The following ADAMTS18 variants were observed in gnomAD, a reference collection of about 807,000 sequenced individuals.
ADAMTS18 encodes A disintegrin and metalloproteinase with thrombospondin motifs 18.
A neutral mutation model predicts 165.9 loss-of-function variants in ADAMTS18; 157 were observed. The ratio of observed to expected loss-of-function variants is 0.95; its 90% CI spans 0.83 to 1.08. The LOEUF is 1.08. Among genes scored for constraint, ADAMTS18 ranks in the 50% least tolerant of loss-of-function variants. ADAMTS18 has a pLI of 0.00. For synonymous variants in ADAMTS18, 782 were observed against 578.2 expected, an observed-to-expected ratio of 1.35 and a Z score of -5.06; for missense variants, 2,040 against 1,534.0, an observed-to-expected ratio of 1.33 and a Z score of -5.51.
intron 3 of ADAMTS18, among the ~76,000 whole-genome samples, chr16:77,428,400 G>A (rs1490826809): frequency 6.6e-6 from 1 of 152,096 alleles, no homozygotes. Flanking sequence ...CAATGTCTAA[G>A]AAAATGTAAA....
At position 77,388,939 on chromosome 16, in the gene ADAMTS18, T is replaced by A. The variant is rs76318229; in HGVS notation, c.496-21216A>T. Among the ~76,000 whole-genome samples the A allele has an allele frequency of 7.7e-3, 1,166 of 152,302 alleles. 16 individuals carry two copies. Among genetic ancestry groups the A allele is most frequent in the African/African-American group, 0.027 (1,116 of 41,568 alleles). ...TCAAGGTAGCAACTTCTAATGAAGC[T>A]GGCAGCAGTCAACTAAATGAAGAAG... On this transcript the variant is annotated intron_variant, in intron 3 of 22. Coordinates refer to ENST00000282849, the MANE Select transcript of ADAMTS18 (RefSeq NM_199355.4).
intron 11 of ADAMTS18, among the ~76,000 whole-genome samples, chr16:77,338,708 C>T (rs1353961118): frequency 6.6e-6 from 1 of 151,730 alleles, no homozygotes; most frequent in African/African-American, 2.4e-5. Flanking sequence ...AATCCCAGCA[C>T]TTTGGGAGGC....
chr16:77,333,771 T>C (rs959795470), intron 12 of ADAMTS18, among the ~76,000 whole-genome samples: 2 of 149,356 alleles, frequency 1.3e-5, no homozygotes, highest in African/African-American at 4.9e-5. Context: ...GTTTTCTTTA[T>C]CCATTCATCC....
At chr16:77,375,561 A>T (rs78596864) in intron 3 of ADAMTS18, among the ~76,000 whole-genome samples, 5,961 of 152,270 alleles carry the variant, frequency 0.039, 343 homozygotes, top group African/African-American at 0.13. Context: ...TCCATGATGG[A>T]ACTGAGAGAC....
chr16:77,389,777 G>A (rs1374938351), intron 3 of ADAMTS18, among the ~76,000 whole-genome samples: 1 of 152,220 alleles, frequency 6.6e-6, no homozygotes, highest in Non-Finnish European at 1.5e-5. Context: ...GAGCAGAGGT[G>A]AAATAGAGAC....
intron 3 of ADAMTS18, among the ~76,000 whole-genome samples, chr16:77,398,346 C>A (rs528128093): frequency 4.6e-5 from 7 of 151,698 alleles, no homozygotes; most frequent in East Asian, 1.9e-4. Flanking sequence ...ACAACAACAA[C>A]AAAAATAAAT....
chr16:77,392,007 A>G (rs963301568), intron 3 of ADAMTS18, among the ~76,000 whole-genome samples: 2 of 152,354 alleles, frequency 1.3e-5, no homozygotes, highest in African/African-American at 4.8e-5. Flanking sequence ...AAACTTTAGT[A>G]TCAGAAAAAC....
chr16:77,343,556 A>G (rs1490778083), intron 10 of ADAMTS18, among the ~76,000 whole-genome samples: 1 of 152,208 alleles, frequency 6.6e-6, no homozygotes, highest in African/African-American at 2.4e-5. Context: ...AAACTGAGCA[A>G]GCTTCTGATG....
At chr16:77,302,673 A>T (rs1293307538) in intron 16 of ADAMTS18, among the ~76,000 whole-genome samples, 2 of 152,238 alleles carry the variant, frequency 1.3e-5, no homozygotes, top group Admixed American at 6.5e-5. Flanking sequence ...AAGAAAATAT[A>T]AAAGAACATT....
At chr16:77,285,356 A>G (rs1339344243) in intron 22 of ADAMTS18, among the ~76,000 whole-genome samples, 1 of 151,746 alleles carries the variant, frequency 6.6e-6, no homozygotes, top group African/African-American at 2.4e-5. Flanking sequence ...TATTTTTAGT[A>G]GAGATGGGGT....
chr16:77,398,751 G>C (rs1160380788), intron 3 of ADAMTS18, among the ~76,000 whole-genome samples: 4 of 152,074 alleles, frequency 2.6e-5, no homozygotes, highest in African/African-American at 7.2e-5. Flanking sequence ...AATAACTCTA[G>C]CCACTGCTGA....
intron 15 of ADAMTS18, 122 bp downstream of exon 15, chr16:77,320,957 G>T: frequency 8.1e-7 from 1 of 1,242,044 alleles, no homozygotes; most frequent in Non-Finnish European, 1.2e-6. Flanking sequence ...AGTGAAAAAT[G>T]CCACCATCAC....
intron 8 of ADAMTS18, among the ~76,000 whole-genome samples, chr16:77,356,413 A>G (rs1040296103): frequency 7.2e-5 from 11 of 152,190 alleles, no homozygotes; most frequent in Non-Finnish European, 1.2e-4. Context: ...ATTTAGTTTC[A>G]AACAGTAGAA....
At chr16:77,423,996 T>G (rs759225130) in intron 3 of ADAMTS18, among the ~76,000 whole-genome samples, 1 of 152,192 alleles carries the variant, frequency 6.6e-6, no homozygotes, top group Admixed American at 6.5e-5. Context: ...TAATCAAGCA[T>G]GGAGCTTCCA....
rs116727492 is a variant in ADAMTS18, at chr16:77,364,540, C to T, written c.779-159G>A. 3.4e-3 allele frequency among the ~76,000 whole-genome samples: 498 copies of T among 144,362 alleles called. 4 individuals are homozygous for T. Among genetic ancestry groups the T allele is most frequent in the African/African-American group, 0.013 (480 of 38,382 alleles). The allele number at this position is 144,362 out of a possible 152,430, so 94.7% of individuals were successfully genotyped here. A position where few individuals can be genotyped will look rare whatever the true frequency, so the allele number is the denominator to read the frequency against. ...TATCAGTGCCTGCCCAGGTGCCTTG[C>T]ATCTAGTATGTGGTCAAGAAGGGCC... On this transcript the variant is annotated intron_variant, in intron 4 of 22. Coordinates refer to ENST00000282849, the MANE Select transcript of ADAMTS18 (RefSeq NM_199355.4).
At chr16:77,360,551 A>G (rs1281868475) in intron 7 of ADAMTS18, among the ~76,000 whole-genome samples, 2 of 148,760 alleles carry the variant, frequency 1.3e-5, no homozygotes, top group African/African-American at 5.0e-5. Flanking sequence ...ATAACAGATA[A>G]CACTGTCTGC....
At chr16:77,338,352 C>G (rs551976266) in intron 11 of ADAMTS18, among the ~76,000 whole-genome samples, 1 of 152,198 alleles carries the variant, frequency 6.6e-6, no homozygotes, top group Non-Finnish European at 1.5e-5. Flanking sequence ...TCTTGGGCCT[C>G]AGCTTCCGGA....
Position 77,367,629 on chromosome 16 carries a change from T to A in ADAMTS18, c.590A>T (p.His197Leu), listed in dbSNP as rs376793798. ...CCTTTTGTACAGTACGTGAGGATGG[T>A]GACCCGCAGGGGAGCTGTAGTTGTG... ...QEHNYSSPAG[H>L]HPHVLYKRTA... Residue 197 changes from histidine (H) to leucine (L), a missense_variant, in exon 4 of 23, where the codon CAC becomes CTC. Transcript: ENST00000282849. 6.2e-7 allele frequency: 1 copy of A among 1,614,186 alleles called. No homozygotes were observed.
chr16:77,288,235 G>C (rs1411504696), intron 22 of ADAMTS18, among the ~76,000 whole-genome samples: 1 of 152,042 alleles, frequency 6.6e-6, no homozygotes, highest in Non-Finnish European at 1.5e-5. Context: ...ATTGTCGTTG[G>C]GGGTGCTGGT....
Sources: gnomAD v4.1 joint callset for allele counts (sites outside exome capture counted in the v4.1 genomes callset) on GRCh38, gnomAD v4.1.1 for gene constraint, MANE v1.5 for transcripts, NCBI Gene and HGNC (gene_info 2026-07-23, HGNC 2026-07-21) for gene names.